Variants in COL5A1 observed in about 807,000 individuals in gnomAD.
The protein encoded by COL5A1 is collagen type V alpha 1 chain, also known as collagen alpha-1(V) chain.
Under a neutral mutation model 263.7 loss-of-function variants are expected in COL5A1, and 16 were observed. The ratio of observed to expected loss-of-function variants is 0.06; its 90% confidence interval spans 0.04 to 0.09. COL5A1 has a LOEUF of 0.09. Among genes scored for constraint, COL5A1 ranks in the 10% least tolerant of loss-of-function variants. The pLI, the probability that COL5A1 is intolerant of heterozygous loss-of-function variation, is 1.00. For synonymous variants in COL5A1, 1,012 were observed against 1,004.5 expected, an observed-to-expected ratio of 1.01 and a Z score of -0.14; for missense variants, 2,036 against 2,540.5, an observed-to-expected ratio of 0.80 and a Z score of 4.27.
intron 1 of COL5A1, among the ~76,000 whole-genome samples, chr9:134,689,157 C>G (rs1349162384): frequency 3.9e-5 from 6 of 152,216 alleles, no homozygotes; most frequent in African/African-American, 1.4e-4. Context: ...GCCATTGTCT[C>G]TGGCAGCCAC....
intron 1 of COL5A1, among the ~76,000 whole-genome samples, chr9:134,648,304 A>AAT (rs58079380): frequency 0.13 from 14,830 of 116,626 alleles, 847 homozygotes; most frequent in African/African-American, 0.15. Flanking sequence ...ATATATATAT[A>AAT]ATATATATAT....
rs1833817413 is a variant in COL5A1, at chr9:134,705,777, C to T, written c.654+4444C>T. ...AGGTGGCCCATCGTCCACAGTGGCA[C>T]TGTCATGAGCTGTCCCTTTTCTCAG... On this transcript the variant is annotated intron_variant, in intron 4 of 65. Transcript: ENST00000371817. Among the ~76,000 whole-genome samples, 3 of 152,196 alleles carry T rather than the reference C, an allele frequency of 2.0e-5. No homozygotes were observed. The South Asian group carries it at 6.2e-4, about 32-fold the overall frequency.
intron 4 of COL5A1, 78 bp from the exon 5 acceptor site, chr9:134,727,188 G>A: frequency 1.4e-6 from 2 of 1,481,166 alleles, no homozygotes; most frequent in Non-Finnish European, 1.9e-6. Context: ...CCTGCTTCAA[G>A]GCATGGGGCT....
intron 51 of COL5A1, 57 bp from the exon 52 acceptor site, chr9:134,815,878 G>A (rs1838725933): frequency 6.3e-6 from 10 of 1,593,108 alleles, no homozygotes; most frequent in East Asian, 4.5e-5. Context: ...GGGAACTGGT[G>A]CATGAACTCA....
chr9:134,673,481 A>G (rs1169594906), intron 1 of COL5A1, among the ~76,000 whole-genome samples: 1 of 151,038 alleles, frequency 6.6e-6, no homozygotes, highest in Non-Finnish European at 1.5e-5. Flanking sequence ...AAAAAATGCT[A>G]AGATACAATG....
intron 18 of COL5A1, among the ~76,000 whole-genome samples, chr9:134,759,540 T>TGC (rs576119873): frequency 0.042 from 2,658 of 62,914 alleles, 131 homozygotes; most frequent in East Asian, 0.17. Context: ...ACACCACACA[T>TGC]GCGCACACAC....
At chr9:134,781,018 C>G (rs1012265394) in intron 28 of COL5A1, among the ~76,000 whole-genome samples, 7 of 152,256 alleles carry the variant, frequency 4.6e-5, no homozygotes, top group African/African-American at 9.6e-5. Flanking sequence ...CGGCGGCCTG[C>G]GGGGCTGGAG....
At chr9:134,802,127 G>T in intron 38 of COL5A1, 120 bp downstream of exon 38, 1 of 965,084 alleles carries the variant, frequency 1.0e-6, no homozygotes, top group Non-Finnish European at 1.7e-6. Context: ...ACTGCTGAGA[G>T]GTTATCTTAG....
At chr9:134,654,627 GGGTGTGTAGGGCTGGA>G (rs1831864956) in intron 1 of COL5A1, among the ~76,000 whole-genome samples, 4 of 130,312 alleles carry the variant, frequency 3.1e-5, no homozygotes, top group Non-Finnish European at 6.6e-5. Flanking sequence ...GTAGGGCTGG[GGGTGTGTAGGGCTGGA>G]GGTGTGTAGG....
In COL5A1 at chr9:134,700,999, G is replaced by A. The variant is rs1197329920; in HGVS notation, c.492-172G>A. On this transcript the variant is annotated intron_variant, in intron 3 of 65. Transcript: ENST00000371817. The surrounding 1 kb of genome is among the most constrained non-coding windows in gnomAD (Gnocchi z 4.0). ...GGGGAATGAGTAGATCTCATGGCAC[G>A]GGGTGTTGCCCTAACTTGTCTGATT... 6.6e-6 allele frequency among the ~76,000 whole-genome samples: 1 copy of A among 152,096 alleles called. No individual in the cohort carries two copies. The highest frequency in any genetic ancestry group is 2.4e-5 in the African/African-American group (1 of 41,412).
In COL5A1 at chr9:134,801,942, C is replaced by A; in HGVS notation, c.2953-12C>A. 3.1e-6 allele frequency: 5 copies of A among 1,613,286 alleles called. 1 individual carries two copies. The Middle Eastern group carries it at 8.2e-4, about 266-fold the overall frequency. On this transcript the variant is annotated splice_polypyrimidine_tract_variant and intron_variant, in intron 37 of 65. Transcript: ENST00000371817. ...CTGCAGCACCGTCAGTGCAGTGACT[C>A]TCTCTTCACAGGGTTTCCAAGGCAA...
chr9:134,837,405 G>A (rs2132932240), intron 65 of COL5A1, among the ~76,000 whole-genome samples: 1 of 152,168 alleles, frequency 6.6e-6, no homozygotes, highest in East Asian at 1.9e-4. Flanking sequence ...TAAAGGGCAG[G>A]CCAGACCCCT....
intron 13 of COL5A1, among the ~76,000 whole-genome samples, chr9:134,751,325 G>T (rs991376565): frequency 2.6e-5 from 4 of 152,128 alleles, no homozygotes; most frequent in Non-Finnish European, 5.9e-5. Context: ...ACTTTACAAG[G>T]GGCTTCTGGG....
intron 11 of COL5A1, among the ~76,000 whole-genome samples, chr9:134,747,643 T>TCA (rs1275199100): frequency 6.7e-6 from 1 of 148,212 alleles, no homozygotes; most frequent in African/African-American, 2.5e-5. Context: ...ACACATGCAT[T>TCA]CATACACATG....
At chr9:134,761,644 A>G (rs1179590499) in intron 18 of COL5A1, among the ~76,000 whole-genome samples, 1 of 152,168 alleles carries the variant, frequency 6.6e-6, no homozygotes, top group Non-Finnish European at 1.5e-5. Flanking sequence ...CAGTGTCCTG[A>G]GGCTGCCCAC....
intron 58 of COL5A1, among the ~76,000 whole-genome samples, chr9:134,820,906 C>T (rs1303960693): frequency 1.3e-5 from 2 of 152,250 alleles, no homozygotes; most frequent in Non-Finnish European, 1.5e-5. Flanking sequence ...GACACACACA[C>T]GCACAGTATG....
chr9:134,715,292 A>G (rs1834221894), intron 4 of COL5A1, among the ~76,000 whole-genome samples: 1 of 152,174 alleles, frequency 6.6e-6, no homozygotes. Context: ...GTATGCCGCC[A>G]GCATGTCTCA....
At chr9:134,769,985 T>G (rs1836819211) in intron 25 of COL5A1, among the ~76,000 whole-genome samples, 1 of 152,222 alleles carries the variant, frequency 6.6e-6, no homozygotes, top group African/African-American at 2.4e-5. Flanking sequence ...GCCTGCAGTT[T>G]CCTTTTATAT....
rs541596321 is a variant in COL5A1 at position 134,658,076 on chromosome 9, C to T, written c.109+15780C>T. ...AGCAACCCTGCCCGTCTCTTGCCAC[C>T]GTCAGGGGACGGTGTTCAAAACTGG... On this transcript the variant is annotated intron_variant, in intron 1 of 65. Transcript: ENST00000371817. Among the ~76,000 whole-genome samples the T allele has an allele frequency of 8.5e-5, 13 of 152,076 alleles. No homozygotes were observed. The East Asian group carries it at 1.7e-3, about 20-fold the overall frequency.
Sources: gnomAD v4.1 joint callset for allele counts (sites outside exome capture counted in the v4.1 genomes callset) on GRCh38, gnomAD v4.1.1 for gene constraint, Gnocchi (gnomAD v3.1) non-coding constraint, MANE v1.5 for transcripts, NCBI Gene and HGNC (gene_info 2026-07-23, HGNC 2026-07-21) for gene names.